The following NFIX variants were observed in gnomAD, a reference collection of about 807,000 sequenced individuals.
NFIX encodes nuclear factor 1 X-type.
Under a neutral mutation model 53.3 loss-of-function variants are expected in NFIX, and 2 were observed. The observed-to-expected ratio is 0.04, with a 90% CI of 0.02 to 0.12. The LOEUF (loss-of-function observed/expected upper bound fraction) is 0.12, where lower values mean the gene tolerates loss of function less well. NFIX is among the 10% of genes least tolerant of loss of function. The pLI is 1.00. For synonymous variants in NFIX, 244 were observed against 289.0 expected (o/e 0.84, Z 1.58); for missense variants, 310 against 674.5 (o/e 0.46, Z 5.99).
rs1356020015 is a variant in NFIX, at chr19:13,049,008, C to A, written c.559+23456C>A. Among the ~76,000 whole-genome samples, 1 of 151,962 alleles carries A rather than the reference C, an allele frequency of 6.6e-6. No individual in the cohort carries two copies. Among genetic ancestry groups the A allele is most frequent in the Non-Finnish European group, 1.5e-5 (1 of 67,966 alleles). On this transcript the variant is annotated intron_variant, in intron 2 of 10. Coordinates refer to ENST00000592199, the MANE Select transcript of NFIX (RefSeq NM_001365902.3). This position sits in a 1 kb window ranked among gnomAD's most constrained non-coding sequence, Gnocchi z 4.5. ...AGGAGAATCACTTGAGCTCAGGAGG[C>A]AGAGGTTGCAGTGAGACAAGATCGC...
intron 2 of NFIX, among the ~76,000 whole-genome samples, chr19:13,034,662 A>G (rs1338921952): frequency 6.6e-6 from 1 of 152,216 alleles, no homozygotes; most frequent in Non-Finnish European, 1.5e-5. Flanking sequence ...ATAATTAACC[A>G]GGTGATCGCT....
chr19:13,063,236 C>A (rs756719430), intron 2 of NFIX, among the ~76,000 whole-genome samples: 2 of 152,222 alleles, frequency 1.3e-5, no homozygotes, highest in Non-Finnish European at 2.9e-5. Context: ...GGTCTCACTT[C>A]TTCCACCTTC....
rs746219816 is a variant in NFIX at position 13,072,136 on chromosome 19, C to T, written c.560-911C>T. Among the ~76,000 whole-genome samples, 1 of 152,234 alleles carries T rather than the reference C, an allele frequency of 6.6e-6. No homozygotes were observed. Among genetic ancestry groups the T allele is most frequent in the Non-Finnish European group, 1.5e-5 (1 of 68,038 alleles). ...CCCCACAACCTGCCTGGCCCCCCTC[C>T]ACCACCCTCTCGCCAGCTGTCATGC... On this transcript the variant is annotated intron_variant, in intron 2 of 10. Coordinates refer to ENST00000592199, the MANE Select transcript of NFIX (RefSeq NM_001365902.3). This position sits in a 1 kb window ranked among gnomAD's most constrained non-coding sequence, Gnocchi z 4.0.
intron 2 of NFIX, among the ~76,000 whole-genome samples, chr19:13,050,850 C>T (rs2015285740): frequency 6.6e-6 from 1 of 151,504 alleles, no homozygotes; most frequent in South Asian, 2.1e-4. Context: ...TCACAGGGGA[C>T]ATGCGACCTG....
At position 13,011,080 on chromosome 19, in the gene NFIX, C is replaced by T. The variant is rs973627814; in HGVS notation, c.28-13941C>T. Among the ~76,000 whole-genome samples, 2 of 152,188 alleles carry T rather than the reference C, an allele frequency of 1.3e-5. No homozygotes were observed. The highest frequency in any genetic ancestry group is 2.9e-5 in the Non-Finnish European group (2 of 68,028). On this transcript the variant is annotated intron_variant, in intron 1 of 10. Transcript: ENST00000592199. The surrounding 1 kb of genome is among the most constrained non-coding windows in gnomAD (Gnocchi z 6.5). ...TTTACCACCCCCACTAGGCTTCGAC[C>T]CAAACCTGCAAAAACCATTTCGCCA...
At position 13,075,677 on chromosome 19, in the gene NFIX, G is replaced by T. The variant is rs1402132731; in HGVS notation, c.955+6G>T. 1.2e-6 allele frequency: 2 copies of T among 1,612,360 alleles called. No homozygotes were observed. The highest frequency in any genetic ancestry group is 1.3e-5 in the African/African-American group (1 of 74,894). ...GCCCAACGATGTGGATGCAGGTATGGGTGCGGGGGATCCTGACCCAGAGCA... is the reference window on the plus strand; with the variant it reads ...GCCCAACGATGTGGATGCAGGTATGTGTGCGGGGGATCCTGACCCAGAGCA... On this transcript the variant is annotated splice_donor_region_variant and intron_variant, in intron 6 of 10. Coordinates refer to ENST00000592199, the MANE Select transcript of NFIX (RefSeq NM_001365902.3).
intron 1 of NFIX, among the ~76,000 whole-genome samples, chr19:13,019,446 G>A (rs909732892): frequency 2.6e-5 from 4 of 152,144 alleles, no homozygotes; most frequent in African/African-American, 7.2e-5. Flanking sequence ...CTGCCGCGGT[G>A]CAGAGCCCTT....
chr19:13,039,228 C>CCCCCCCACA (rs796212249), intron 2 of NFIX, among the ~76,000 whole-genome samples: 1 of 144,524 alleles, frequency 6.9e-6, no homozygotes, highest in African/African-American at 2.8e-5. Flanking sequence ...ACACCCCCCC[C>CCCCCCCACA]CACACACACA....
chr19:13,005,971 G>A lies in NFIX; in HGVS notation c.27+10107G>A, dbSNP rs1568254257. On this transcript the variant is annotated intron_variant, in intron 1 of 10. Transcript: ENST00000592199. This position sits in a 1 kb window ranked among gnomAD's most constrained non-coding sequence, Gnocchi z 4.7. ...GAGCTCAAATGCTGGGGGTGCAGCC[G>A]GGAGCCTGTGCATTCCTTCGACAAA... is the stretch of plus-strand genomic sequence containing the variant. 1.3e-5 allele frequency among the ~76,000 whole-genome samples: 2 copies of A among 152,194 alleles called. No individual in the cohort carries two copies. The highest frequency in any genetic ancestry group is 2.9e-5 in the Non-Finnish European group (2 of 68,032).
At chr19:13,083,862 G>A (rs1448919228) in intron 8 of NFIX, among the ~76,000 whole-genome samples, 6 of 152,232 alleles carry the variant, frequency 3.9e-5, no homozygotes, top group Admixed American at 1.3e-4. Context: ...CAGAGGGCCC[G>A]GCTCCGCCAC....
At chr19:13,031,253 T>G (rs2013780866) in intron 2 of NFIX, among the ~76,000 whole-genome samples, 1 of 152,088 alleles carries the variant, frequency 6.6e-6, no homozygotes, top group Non-Finnish European at 1.5e-5. Flanking sequence ...AATTGGAGGC[T>G]ATGACATGGG....
rs1018179713 is a variant in NFIX at position 13,022,809 on chromosome 19, A to G, written c.28-2212A>G. ...TCTTCCACAATCCCAGTCCCCCCCA[A>G]TGCCCCACCCCACCCCCAGATTTGC... On this transcript the variant is annotated intron_variant, in intron 1 of 10. Transcript: ENST00000592199. This position sits in a 1 kb window ranked among gnomAD's most constrained non-coding sequence, Gnocchi z 4.5. Among the ~76,000 whole-genome samples, 52 of 151,948 alleles carry G rather than the reference A, an allele frequency of 3.4e-4. No homozygotes were observed. Among genetic ancestry groups the G allele is most frequent in the Non-Finnish European group, 5.0e-4 (34 of 67,924 alleles).
rs3982404 is a variant in NFIX at position 13,067,483 on chromosome 19, CGTGTGT to C, written c.560-5547_560-5542del. ...GCGCGCGTGTGTGTGTGTGTGTGTG[CGTGTGT>C]GTGTGTGTGTGTGTGTATGTGTGTG... On this transcript the variant is annotated intron_variant, in intron 2 of 10. Coordinates refer to ENST00000592199, the MANE Select transcript of NFIX (RefSeq NM_001365902.3). The surrounding 1 kb of genome is among the most constrained non-coding windows in gnomAD (Gnocchi z 4.2). Among the ~76,000 whole-genome samples the C allele has an allele frequency of 5.7e-3, 842 of 147,388 alleles. 3 individuals are homozygous for C. The highest frequency in any genetic ancestry group is 0.011 in the South Asian group (53 of 4,652).
Position 13,066,359 on chromosome 19 carries a change from C to T in NFIX, c.560-6688C>T, listed in dbSNP as rs567542555. ...GGTTCCTGTGCCTTCCCTACCCCCCCGCCCCCAACAATGGCTTTTCTTGAG... is the reference window on the plus strand; with the variant it reads ...GGTTCCTGTGCCTTCCCTACCCCCCTGCCCCCAACAATGGCTTTTCTTGAG... On this transcript the variant is annotated intron_variant, in intron 2 of 10. Transcript: ENST00000592199. This position sits in a 1 kb window ranked among gnomAD's most constrained non-coding sequence, Gnocchi z 4.2. Among the ~76,000 whole-genome samples, 3 of 152,232 alleles carry T rather than the reference C, an allele frequency of 2.0e-5. No individual in the cohort carries two copies. The highest frequency in any genetic ancestry group is 1.9e-4 in the East Asian group (1 of 5,176).
In NFIX at chr19:13,096,992, T is replaced by C. The variant is rs1052085211; in HGVS notation, c.*2343T>C. On this transcript the variant is annotated 3_prime_UTR_variant, in exon 11 of 11. Transcript: ENST00000592199. ...AAATATATATGGGGGAAATTAACTT[T>C]TTTTTTTCATTGAACCAAGTGCAAT... 6 of 151,148 alleles carry C rather than the reference T, an allele frequency of 4.0e-5. No individual in the cohort carries two copies. The highest frequency in any genetic ancestry group is 1.5e-4 in the African/African-American group (6 of 41,366). The allele number at this position is 151,148 out of a possible 1,614,324, so 9.4% of individuals were successfully genotyped here. A position where few individuals can be genotyped will look rare whatever the true frequency, so the allele number is the denominator to read the frequency against.
At chr19:13,018,349 G>T (rs868624668) in intron 1 of NFIX, among the ~76,000 whole-genome samples, 3 of 116,376 alleles carry the variant, frequency 2.6e-5, no homozygotes, top group South Asian at 4.2e-4. Context: ...GGGGGGGGGG[G>T]GGCGCGGTTT....
rs1232422186 is a variant in NFIX at position 13,073,675 on chromosome 19, C to G, written c.697+179C>G. On this transcript the variant is annotated intron_variant, in intron 4 of 10. Transcript: ENST00000592199. This position sits in a 1 kb window ranked among gnomAD's most constrained non-coding sequence, Gnocchi z 4.5. ...AATAGAGTCTTCCAGAGAGGCCTGT[C>G]TCCAGTCTCCATTGCTTTGGAGGAA... Among the ~76,000 whole-genome samples, 1 of 152,138 alleles carries G rather than the reference C, an allele frequency of 6.6e-6. No homozygotes were observed. Among genetic ancestry groups the G allele is most frequent in the Non-Finnish European group, 1.5e-5 (1 of 68,026 alleles).
intron 1 of NFIX, among the ~76,000 whole-genome samples, chr19:13,016,494 T>C (rs1003243766): frequency 9.9e-5 from 15 of 152,150 alleles, no homozygotes; most frequent in African/African-American, 3.6e-4. Flanking sequence ...AAAGCAAAAT[T>C]GCAGCTGTTC....
chr19:13,071,521 G>A (rs145231733), intron 2 of NFIX: 11 of 152,356 alleles, frequency 7.2e-5, no homozygotes, highest in African/African-American at 2.6e-4. Context: ...AGCGAAAGGG[G>A]AGGTATGGAA....
Sources: gnomAD v4.1 joint callset for allele counts (sites outside exome capture counted in the v4.1 genomes callset) on GRCh38, gnomAD v4.1.1 for gene constraint, Gnocchi (gnomAD v3.1) non-coding constraint, MANE v1.5 for transcripts, NCBI Gene and HGNC (gene_info 2026-07-23, HGNC 2026-07-21) for gene names.